The following ST3GAL5 variants were observed in gnomAD, a reference collection of about 807,000 sequenced individuals.
The protein encoded by ST3GAL5 is lactosylceramide alpha-2,3-sialyltransferase.
Under a neutral mutation model 46.1 loss-of-function variants are expected in ST3GAL5, and 25 were observed. That is an observed-to-expected ratio of 0.54 (90% CI 0.40 to 0.76). The LOEUF (loss-of-function observed/expected upper bound fraction) is 0.76. Among genes scored for constraint, ST3GAL5 ranks in the 30% least tolerant of loss-of-function variants. The pLI is 0.00. For missense variants in ST3GAL5, 431 were observed against 521.2 expected, an observed-to-expected ratio of 0.83 and a Z score of 1.69; for synonymous variants, 182 against 192.7, an observed-to-expected ratio of 0.94 and a Z score of 0.46.
intron 1 of ST3GAL5, among the ~76,000 whole-genome samples, chr2:85,876,749 C>T (rs1308832343): frequency 2.0e-5 from 3 of 151,992 alleles, no homozygotes; most frequent in Admixed American, 6.5e-5. Context: ...TGAGCCACCA[C>T]GCCCGACCCT....
intron 3 of ST3GAL5, chr2:85,851,336 G>A: frequency 6.0e-6 from 7 of 1,169,786 alleles, no homozygotes; most frequent in Non-Finnish European, 7.5e-6. Flanking sequence ...GTTTCTACAT[G>A]TCCTGGCAAC....
intron 1 of ST3GAL5, among the ~76,000 whole-genome samples, chr2:85,869,240 C>A (rs1305585161): frequency 1.3e-5 from 2 of 151,528 alleles, no homozygotes; most frequent in African/African-American, 4.9e-5. Flanking sequence ...GAGATGGGGT[C>A]TCTCTCTGTT....
chr2:85,888,498 C>T (rs926619818), intron 1 of ST3GAL5: 9 of 194,030 alleles, frequency 4.6e-5, no homozygotes, highest in Non-Finnish European at 7.3e-5. Flanking sequence ...AACTCCGAAG[C>T]TTCCAGCAAT....
In ST3GAL5 at chr2:85,888,843, C is replaced by A. The variant is rs1255248442; in HGVS notation, c.63G>T (p.Ala21=). ...RRPLQPRTEA[A]AAPAGRAMPS... ...ACGTACCTCGGCCGGCAGGTGCCGC[C>A]GCTGCCTCGGTCCGCGGCTGCAGGG... Residue 21 remains alanine, a synonymous_variant, in exon 1 of 7, where the codon GCG becomes GCT. Transcript: ENST00000638572. The A allele has an allele frequency of 1.5e-6, 2 of 1,314,792 alleles. No homozygotes were observed. The highest frequency in any genetic ancestry group is 2.0e-5 in the South Asian group (1 of 50,068). The allele number at this position is 1,314,792 out of a possible 1,614,324, so 81.4% of individuals were successfully genotyped here.
intron 4 of ST3GAL5, chr2:85,847,609 C>A: frequency 1.6e-6 from 2 of 1,257,370 alleles, no homozygotes; most frequent in Non-Finnish European, 2.0e-6. Context: ...CCAGTCTGGG[C>A]AATTCGGAGA....
intron 1 of ST3GAL5, among the ~76,000 whole-genome samples, chr2:85,869,283 C>T (rs1230277196): frequency 6.6e-6 from 1 of 152,098 alleles, no homozygotes; most frequent in South Asian, 2.1e-4. Context: ...TGGCCTCAAG[C>T]GATCCTCCCG....
In ST3GAL5 at chr2:85,848,155, T is replaced by G. The variant is rs940418821; in HGVS notation, c.368A>C (p.Lys123Thr). The change falls in exon 4 of 7, where the codon AAG becomes ACG. Residue 123 changes from lysine (K) to threonine (T), a missense_variant. Coordinates refer to ENST00000638572, the MANE Select transcript of ST3GAL5 (RefSeq NM_003896.4). ...CAGCGCCATTGATGTCTTGGCAAACTTGGGACGACATTCCTTCTGCAAGAC... is the reference window on the plus strand; with the variant it reads ...CAGCGCCATTGATGTCTTGGCAAACGTGGGACGACATTCCTTCTGCAAGAC... ...QQVLQKECRP[K>T]FAKTSMALLF... 3 of 1,614,212 alleles carry G rather than the reference T, an allele frequency of 1.9e-6. No individual in the cohort carries two copies.
intron 4 of ST3GAL5, among the ~76,000 whole-genome samples, chr2:85,846,948 C>G (rs903526854): frequency 3.3e-5 from 5 of 152,146 alleles, no homozygotes; most frequent in Admixed American, 1.3e-4. Context: ...TCTAGTCCAC[C>G]ATGCCTGGCT....
chr2:85,844,086 A>AT (rs1387652333), intron 6 of ST3GAL5, among the ~76,000 whole-genome samples: 2 of 152,246 alleles, frequency 1.3e-5, no homozygotes, highest in African/African-American at 4.8e-5. Context: ...TTTTCAGATC[A>AT]TGAAAGTGCC....
intron 1 of ST3GAL5, among the ~76,000 whole-genome samples, chr2:85,868,381 G>C (rs528840002): frequency 1.3e-5 from 2 of 151,902 alleles, no homozygotes; most frequent in Admixed American, 1.3e-4. Context: ...AGCTCACTGC[G>C]GCCTCAACCT....
chr2:85,887,223 G>A (rs1687860090), intron 1 of ST3GAL5, among the ~76,000 whole-genome samples: 1 of 152,234 alleles, frequency 6.6e-6, no homozygotes, highest in Non-Finnish European at 1.5e-5. Context: ...CAAAGAGTGT[G>A]TTCTTATTCT....
rs1035940436 is a variant in ST3GAL5, at chr2:85,844,785, T to C, written c.850-231A>G. On this transcript the variant is annotated intron_variant, in intron 5 of 6. Transcript: ENST00000638572. Reference sequence around the variant, plus strand: ...GGCGGCACTGGACAAAGAGATGAATTGCAGAACCAGCTTGTATTTGTTTGA... The same window carrying C: ...GGCGGCACTGGACAAAGAGATGAATCGCAGAACCAGCTTGTATTTGTTTGA... 4 of 586,206 alleles carry C rather than the reference T, an allele frequency of 6.8e-6. No homozygotes were observed. The Admixed American group carries it at 1.1e-4, about 16-fold the overall frequency. The allele number at this position is 586,206 out of a possible 1,614,324, so 36.3% of individuals were successfully genotyped here.
At chr2:85,847,817 A>G (rs772998413) in intron 4 of ST3GAL5, 44 bp downstream of exon 4, 10 of 1,603,304 alleles carry the variant, frequency 6.2e-6, no homozygotes, top group Middle Eastern at 1.7e-4. Context: ...TAAAATAAAA[A>G]CAATAAAAAT....
At chr2:85,845,155 C>T (rs965459402) in intron 5 of ST3GAL5, 2 of 162,188 alleles carry the variant, frequency 1.2e-5, no homozygotes, top group Non-Finnish European at 2.7e-5. Flanking sequence ...CACTCCTCGA[C>T]AGCTGACCTC....
chr2:85,877,826 A>G (rs1017663060), intron 1 of ST3GAL5, among the ~76,000 whole-genome samples: 1 of 152,204 alleles, frequency 6.6e-6, no homozygotes, highest in African/African-American at 2.4e-5. Context: ...ATTAACATGT[A>G]AGACTCCTAT....
Position 85,839,968 on chromosome 2 carries a change from A to G in ST3GAL5, c.*176T>C. 1 of 857,768 alleles carries G rather than the reference A, an allele frequency of 1.2e-6. No homozygotes were observed. The highest frequency in any genetic ancestry group is 1.7e-5 in the South Asian group (1 of 57,440). 53.1% of individuals were successfully genotyped at this position (857,768 alleles called of 1,614,324 possible). Reference sequence around the variant, plus strand: ...GTGTGCAAAAACAAACACTGACCTCAAATAAATAGGAAAAAAAAAGTGGGA... The same window carrying G: ...GTGTGCAAAAACAAACACTGACCTCGAATAAATAGGAAAAAAAAAGTGGGA... On this transcript the variant is annotated 3_prime_UTR_variant, in exon 7 of 7. Coordinates refer to ENST00000638572, the MANE Select transcript of ST3GAL5 (RefSeq NM_003896.4).
chr2:85,848,156 T>G lies in ST3GAL5; in HGVS notation c.367A>C (p.Lys123Gln), dbSNP rs1683040698. 6.2e-7 allele frequency: 1 copy of G among 1,614,066 alleles called. No individual in the cohort carries two copies. Among genetic ancestry groups the G allele is most frequent in the African/African-American group, 1.3e-5 (1 of 74,922 alleles). Residue 123 changes from lysine to glutamine, a missense_variant, in exon 4 of 7, where the codon AAG becomes CAG. Coordinates refer to ENST00000638572, the MANE Select transcript of ST3GAL5 (RefSeq NM_003896.4). ...AGCGCCATTGATGTCTTGGCAAACT[T>G]GGGACGACATTCCTTCTGCAAGACT... ...QQVLQKECRPKFAKTSMALLF... is the reference protein window; with the variant it reads ...QQVLQKECRPQFAKTSMALLF...
chr2:85,880,903 T>C (rs762100680), intron 1 of ST3GAL5: 5 of 518,692 alleles, frequency 9.6e-6, no homozygotes, highest in East Asian at 5.4e-5. Flanking sequence ...ATGTTGGACA[T>C]GCGGGCAGAG....
rs532171949 is a variant in ST3GAL5 at position 85,842,516 on chromosome 2, T to C, written c.1008+1880A>G. Among the ~76,000 whole-genome samples the C allele has an allele frequency of 7.2e-4, 110 of 152,348 alleles. 1 individual carries two copies. Among genetic ancestry groups the C allele is most frequent in the African/African-American group, 2.5e-3 (105 of 41,586 alleles). ...TGGAAGGACATATACATGAGGAAGT[T>C]TCTGATACTGCAACTTTAGATCAGA... On this transcript the variant is annotated intron_variant, in intron 6 of 6. Transcript: ENST00000638572.
Sources: gnomAD v4.1 joint callset for allele counts (sites outside exome capture counted in the v4.1 genomes callset) on GRCh38, gnomAD v4.1.1 for gene constraint, MANE v1.5 for transcripts, NCBI Gene and HGNC (gene_info 2026-07-23, HGNC 2026-07-21) for gene names.